The following DCDC1 variants were observed in gnomAD, a reference collection of about 807,000 sequenced individuals.
DCDC1 encodes the protein doublecortin domain-containing protein 1.
DCDC1 carries 200 observed loss-of-function variants against 178.3 expected under a neutral mutation model. The ratio of observed to expected loss-of-function variants is 1.12; its 90% confidence interval spans 1.00 to 1.26. The LOEUF (loss-of-function observed/expected upper bound fraction) is 1.26. DCDC1 is among the 50% of genes most tolerant of loss of function. The pLI, the probability that DCDC1 is intolerant of heterozygous loss-of-function variation, is 0.00. For synonymous variants in DCDC1, 690 were observed against 604.8 expected (o/e 1.14, Z -2.07); for missense variants, 1,983 against 1,749.2 (o/e 1.13, Z -2.38).
chr11:31,300,268 G>A (rs1185726894), intron 6 of DCDC1, among the ~76,000 whole-genome samples: 1 of 152,164 alleles, frequency 6.6e-6, no homozygotes, highest in Non-Finnish European at 1.5e-5. Flanking sequence ...GATGAAGAAA[G>A]TAGAAACAAA....
Position 30,900,468 on chromosome 11 carries a change from A to C in DCDC1, c.4541T>G (p.Leu1514Ter). The C allele has an allele frequency of 6.4e-7, 1 of 1,552,100 alleles. No homozygotes were observed. Residue 1514 changes from leucine (L) to a stop codon, truncating the protein, a stop_gained, in exon 33 of 39, where the codon TTA becomes TGA. Coordinates refer to ENST00000684477, the MANE Select transcript of DCDC1 (RefSeq NM_001387274.1). LOFTEE classifies it high-confidence loss of function. ...ENPRMKVKNR[L>*]FAKSVTSDSL... ...ATCGGATGTCACAGATTTTGCAAAT[A>C]ATCTGTTTTTCACTTTCATTCTTGG...
chr11:31,137,400 A>G (rs1160344795), intron 10 of DCDC1, among the ~76,000 whole-genome samples: 1 of 144,848 alleles, frequency 6.9e-6, no homozygotes, highest in Non-Finnish European at 1.5e-5. Context: ...CCCAGGCTGG[A>G]GTGCAGTCGC....
chr11:31,340,325 T>A (rs1332861551), intron 1 of DCDC1, among the ~76,000 whole-genome samples: 1 of 151,908 alleles, frequency 6.6e-6, no homozygotes, highest in Non-Finnish European at 1.5e-5. Flanking sequence ...GTGGAGTGTA[T>A]GTGGTTCTGA....
Position 30,917,031 on chromosome 11 carries a change from A to T in DCDC1, c.3294-3T>A, listed in dbSNP as rs1016463067. On this transcript the variant is annotated splice_region_variant and splice_polypyrimidine_tract_variant and intron_variant, in intron 25 of 38. Coordinates refer to ENST00000684477, the MANE Select transcript of DCDC1 (RefSeq NM_001387274.1). ...GATGAGCTCTTACGTGTGAATCTCTATCAAGGTTCAGAAGCAAACATAAGT... is the reference window on the plus strand; with the variant it reads ...GATGAGCTCTTACGTGTGAATCTCTTTCAAGGTTCAGAAGCAAACATAAGT... The T allele has an allele frequency of 6.3e-7, 1 of 1,588,738 alleles. No individual in the cohort carries two copies. The highest frequency in any genetic ancestry group is 8.5e-7 in the Non-Finnish European group (1 of 1,171,270).
chr11:31,144,556 C>T (rs555156578), intron 9 of DCDC1, among the ~76,000 whole-genome samples: 52 of 152,304 alleles, frequency 3.4e-4, no homozygotes, highest in Non-Finnish European at 5.9e-4. Context: ...ATTCACTAGT[C>T]CTTAAATCCA....
intron 20 of DCDC1, among the ~76,000 whole-genome samples, chr11:31,062,442 A>G (rs2135472404): frequency 6.6e-6 from 1 of 152,268 alleles, no homozygotes; most frequent in South Asian, 2.1e-4. Flanking sequence ...GGGCTTGACT[A>G]TCCGGCTGCT....
chr11:30,988,856 G>A (rs998143487), intron 20 of DCDC1, among the ~76,000 whole-genome samples: 1 of 152,230 alleles, frequency 6.6e-6, no homozygotes, highest in Admixed American at 6.5e-5. Context: ...CTTTCCACCA[G>A]CTGTTCCTCT....
chr11:31,314,380 T>C (rs925115354), intron 3 of DCDC1: 3 of 152,170 alleles, frequency 2.0e-5, no homozygotes, highest in African/African-American at 4.8e-5. Flanking sequence ...CCATTATTAG[T>C]TGTACATCTA....
chr11:31,151,487 T>A (rs1281531437), intron 9 of DCDC1, among the ~76,000 whole-genome samples: 1 of 152,220 alleles, frequency 6.6e-6, no homozygotes, highest in African/African-American at 2.4e-5. Context: ...CAATTATTAA[T>A]GAAACTTACC....
chr11:31,208,948 T>A (rs976714496), intron 9 of DCDC1, among the ~76,000 whole-genome samples: 2 of 152,180 alleles, frequency 1.3e-5, no homozygotes, highest in African/African-American at 2.4e-5. Context: ...ATCTTTTTTT[T>A]ATGTTTTATT....
intron 1 of DCDC1, among the ~76,000 whole-genome samples, chr11:31,350,413 T>A (rs1377429138): frequency 6.6e-6 from 1 of 152,086 alleles, no homozygotes; most frequent in Non-Finnish European, 1.5e-5. Context: ...AAATATAGAA[T>A]ATGTATGTTA....
chr11:30,868,242 C>CTT lies in DCDC1; in HGVS notation c.*41-2912_*41-2911dup, dbSNP rs35180579. On this transcript the variant is annotated intron_variant, in intron 38 of 38. Transcript: ENST00000684477. ...GTGCATCCATGCTCTTTCATACCTG[C>CTT]TTTTTTTTTTTTTTTTTTTTTTTTT... 4.9e-3 allele frequency among the ~76,000 whole-genome samples: 300 copies of CTT among 61,070 alleles called. 36 individuals are homozygous for CTT. Among genetic ancestry groups the CTT allele is most frequent in the African/African-American group, 0.021 (279 of 13,032 alleles). 40.1% of individuals were successfully genotyped at this position (61,070 alleles called of 152,430 possible). A position where few individuals can be genotyped will look rare whatever the true frequency, so the allele number is the denominator to read the frequency against.
intron 20 of DCDC1, among the ~76,000 whole-genome samples, chr11:30,953,207 A>G (rs1346435739): frequency 1.3e-5 from 2 of 149,926 alleles, no homozygotes; most frequent in Non-Finnish European, 3.0e-5. Flanking sequence ...AATCAGATAT[A>G]AATGCAATTT....
In DCDC1 at chr11:31,091,529, G is replaced by T. The variant is rs768480674; in HGVS notation, c.2119-18C>A. The T allele has an allele frequency of 1.4e-6, 1 of 727,348 alleles. No individual in the cohort carries two copies. The highest frequency in any genetic ancestry group is 1.7e-5 in the African/African-American group (1 of 58,334). 45.1% of individuals were successfully genotyped at this position (727,348 alleles called of 1,614,324 possible). ...ATTCCAGTCTTCCAATGAATAGAGA[G>T]GGGGAGAAAGGTCTAAATAAGTTAA... On this transcript the variant is annotated intron_variant, in intron 16 of 38. Transcript: ENST00000684477.
chr11:31,252,395 T>C (rs1944103637), intron 8 of DCDC1, among the ~76,000 whole-genome samples: 1 of 152,114 alleles, frequency 6.6e-6, no homozygotes, highest in Non-Finnish European at 1.5e-5. Context: ...AAATACAAGA[T>C]AAGAAAGAAG....
At chr11:31,334,965 G>A (rs548274770) in intron 2 of DCDC1, among the ~76,000 whole-genome samples, 1 of 152,208 alleles carries the variant, frequency 6.6e-6, no homozygotes, top group African/African-American at 2.4e-5. Flanking sequence ...TAAGTCTGCA[G>A]AAGTTTTTGC....
intron 3 of DCDC1, 28 bp from the exon 4 acceptor site, chr11:31,307,936 CAATT>C: frequency 6.2e-7 from 1 of 1,610,168 alleles, no homozygotes; most frequent in Non-Finnish European, 8.5e-7. Context: ...TGGAAGAATA[CAATT>C]AATTGATTTG....
At chr11:31,037,058 T>G (rs1954087312) in intron 20 of DCDC1, among the ~76,000 whole-genome samples, 1 of 152,172 alleles carries the variant, frequency 6.6e-6, no homozygotes, top group Admixed American at 6.5e-5. Context: ...AGCACCTACA[T>G]GTTTAACCAT....
At chr11:30,884,948 A>G (rs1484511369) in intron 36 of DCDC1, among the ~76,000 whole-genome samples, 1 of 152,096 alleles carries the variant, frequency 6.6e-6, no homozygotes, top group African/African-American at 2.4e-5. Flanking sequence ...TAATTCCAAA[A>G]TTCATCTTTA....
Sources: allele counts gnomAD v4.1 joint callset (sites outside exome capture counted in the v4.1 genomes callset), GRCh38; gene constraint gnomAD v4.1.1; transcripts MANE v1.5; gene names NCBI Gene and HGNC (gene_info 2026-07-23, HGNC 2026-07-21).